The following BDKRB2 variants were observed in gnomAD, a reference collection of about 807,000 sequenced individuals.
The protein encoded by BDKRB2 is B2 bradykinin receptor.
In BDKRB2, 6 loss-of-function variants were observed where a neutral mutation model predicts 4.0. The ratio of observed to expected loss-of-function variants is 1.49; its 90% CI spans 0.81 to 2.93. BDKRB2 has a LOEUF of 2.93. Ranked by LOEUF, BDKRB2 falls within the 30% of genes most tolerant of loss-of-function variation. The pLI is 0.00. For synonymous variants in BDKRB2, 225 were observed against 215.3 expected, an observed-to-expected ratio of 1.05 and a Z score of -0.40; for missense variants, 478 against 520.1, an observed-to-expected ratio of 0.92 and a Z score of 0.79.
chr14:96,232,873 A>G lies in BDKRB2; in HGVS notation c.-39-4196A>G, dbSNP rs537564457. Among the ~76,000 whole-genome samples, 4 of 152,366 alleles carry G rather than the reference A, an allele frequency of 2.6e-5. No homozygotes were observed. In the East Asian group the frequency reaches 7.7e-4, roughly 29 times the overall value. Reference sequence around the variant, plus strand: ...ATACGGGACACAAGTTGACATCCGAAGGAAAAATATCTTTTCCTTCTCCAC... The same window carrying G: ...ATACGGGACACAAGTTGACATCCGAGGGAAAAATATCTTTTCCTTCTCCAC... On this transcript the variant is annotated intron_variant, in intron 1 of 2. Coordinates refer to ENST00000554311, the MANE Select transcript of BDKRB2 (RefSeq NM_001379692.1).
chr14:96,219,080 T>A (rs1362520876), intron 1 of BDKRB2, among the ~76,000 whole-genome samples: 1 of 151,894 alleles, frequency 6.6e-6, no homozygotes, highest in African/African-American at 2.4e-5. Flanking sequence ...AAGGCAGGGA[T>A]CACTTGAGCC....
At chr14:96,222,409 G>T (rs907518430) in intron 1 of BDKRB2, among the ~76,000 whole-genome samples, 2 of 151,970 alleles carry the variant, frequency 1.3e-5, no homozygotes, top group African/African-American at 4.8e-5. Flanking sequence ...TGGGGTGAAA[G>T]TTCCAAGCTT....
At chr14:96,220,197 G>A (rs1209124926) in intron 1 of BDKRB2, among the ~76,000 whole-genome samples, 3 of 151,100 alleles carry the variant, frequency 2.0e-5, no homozygotes, top group African/African-American at 7.3e-5. Flanking sequence ...CCAAGTACCA[G>A]GTCCCAGCCC....
chr14:96,234,302 C>A (rs932999751), intron 1 of BDKRB2, among the ~76,000 whole-genome samples: 3 of 152,156 alleles, frequency 2.0e-5, no homozygotes, highest in African/African-American at 4.8e-5. Flanking sequence ...TCCTTCCCCC[C>A]TCGCGATCAG....
chr14:96,222,817 A>G (rs1193757150), intron 1 of BDKRB2, among the ~76,000 whole-genome samples: 3 of 152,144 alleles, frequency 2.0e-5, no homozygotes, highest in Non-Finnish European at 4.4e-5. Context: ...ATTACATATT[A>G]AAATAATGTT....
intron 1 of BDKRB2, among the ~76,000 whole-genome samples, chr14:96,235,950 C>T (rs991775596): frequency 6.6e-6 from 1 of 152,056 alleles, no homozygotes; most frequent in African/African-American, 2.4e-5. Context: ...GGGGATTAAG[C>T]CCCACCTCTA....
intron 1 of BDKRB2, among the ~76,000 whole-genome samples, chr14:96,228,016 A>G (rs1480350376): frequency 1.3e-5 from 2 of 152,172 alleles, no homozygotes; most frequent in Non-Finnish European, 2.9e-5. Flanking sequence ...GGAGGGCTAT[A>G]AGCCACAGCA....
At chr14:96,237,944 T>C (rs779676807) in intron 2 of BDKRB2, 220 of 1,214,168 alleles carry the variant, frequency 1.8e-4, no homozygotes, top group Non-Finnish European at 2.1e-4. Flanking sequence ...TCATGAAAGA[T>C]GACAGACTCT....
chr14:96,223,117 A>C, intron 1 of BDKRB2: 2 of 1,274,068 alleles, frequency 1.6e-6, no homozygotes, highest in Non-Finnish European at 2.3e-6. Flanking sequence ...CATGTCACAC[A>C]AACAAATTCA....
intron 1 of BDKRB2, among the ~76,000 whole-genome samples, chr14:96,215,533 A>T (rs1254815315): frequency 6.6e-6 from 1 of 151,992 alleles, no homozygotes; most frequent in East Asian, 1.9e-4. Context: ...CCAAATATTA[A>T]ATGATCTAGA....
At chr14:96,233,587 T>C (rs1890868756) in intron 1 of BDKRB2, 1 of 152,164 alleles carries the variant, frequency 6.6e-6, no homozygotes, top group South Asian at 2.1e-4. Flanking sequence ...ATATTCAACA[T>C]GCGAAGCTGC....
chr14:96,224,860 C>T (rs1178219689), intron 1 of BDKRB2, among the ~76,000 whole-genome samples: 1 of 152,196 alleles, frequency 6.6e-6, no homozygotes, highest in African/African-American at 2.4e-5. Context: ...GCTCCACCTC[C>T]TGAGCGGAAT....
At chr14:96,230,265 A>G (rs1595259348) in intron 1 of BDKRB2, among the ~76,000 whole-genome samples, 1 of 152,290 alleles carries the variant, frequency 6.6e-6, no homozygotes, top group East Asian at 1.9e-4. Context: ...AATTCCCATG[A>G]CAGGAGGTTT....
chr14:96,238,842 C>T, intron 2 of BDKRB2: 1 of 986,880 alleles, frequency 1.0e-6, no homozygotes, highest in Non-Finnish European at 1.2e-6. Flanking sequence ...GGGCACCCTC[C>T]ACCCTCTGGG....
Position 96,216,694 on chromosome 14 carries a change from A to AAGGAGG in BDKRB2, c.-40+11740_-40+11745dup, listed in dbSNP as rs1235198062. On this transcript the variant is annotated intron_variant, in intron 1 of 2. Coordinates refer to ENST00000554311, the MANE Select transcript of BDKRB2 (RefSeq NM_001379692.1). ...AGGAAGAAGAAGGAGGAGGAGGAGGAAGGAGGAGGAAGGAGGAGGAAGAGG... is the reference window on the plus strand; with the variant it reads ...AGGAAGAAGAAGGAGGAGGAGGAGGAAGGAGGAGGAGGAGGAAGGAGGAGGAAGAGG... Among the ~76,000 whole-genome samples the AAGGAGG allele has an allele frequency of 2.6e-5, 3 of 113,838 alleles. No homozygotes were observed. The East Asian group carries it at 9.2e-4, about 35-fold the overall frequency. The allele number at this position is 113,838 out of a possible 152,430, so 74.7% of individuals were successfully genotyped here.
Position 96,204,974 on chromosome 14 carries a change from G to A in BDKRB2, c.-40+15G>A. 4.7e-6 allele frequency: 1 copy of A among 210,994 alleles called. No homozygotes were observed. Among genetic ancestry groups the A allele is most frequent in the South Asian group, 4.5e-5 (1 of 22,290 alleles). The allele number at this position is 210,994 out of a possible 1,614,324, so 13.1% of individuals were successfully genotyped here. A position where few individuals can be genotyped will look rare whatever the true frequency, so the allele number is the denominator to read the frequency against. On this transcript the variant is annotated intron_variant, in intron 1 of 2. Coordinates refer to ENST00000554311, the MANE Select transcript of BDKRB2 (RefSeq NM_001379692.1). ...CTCCGGAGAAGGTGGGTGCCGGGCAGGGGCTGCTCCAGCCGCCTCACCTCT... is the reference window on the plus strand; with the variant it reads ...CTCCGGAGAAGGTGGGTGCCGGGCAAGGGCTGCTCCAGCCGCCTCACCTCT...
intron 1 of BDKRB2, among the ~76,000 whole-genome samples, chr14:96,208,233 T>TTCC (rs1363836693): frequency 6.6e-6 from 1 of 152,210 alleles, no homozygotes; most frequent in Non-Finnish European, 1.5e-5. Context: ...AAGGCTCTGC[T>TTCC]TCCCCAAAAC....
In BDKRB2 at chr14:96,220,259, G is replaced by A. The variant is rs552220620; in HGVS notation, c.-40+15300G>A. 6.6e-5 allele frequency among the ~76,000 whole-genome samples: 10 copies of A among 151,972 alleles called. 1 individual carries two copies. Among genetic ancestry groups the A allele is most frequent in the Non-Finnish European group, 7.4e-5 (5 of 67,996 alleles). On this transcript the variant is annotated intron_variant, in intron 1 of 2. Transcript: ENST00000554311. ...TCCTGGGCAAGTCAGAGGAAATGCC[G>A]GGGGTATTTATTTTAAAAAGTGTCT...
Position 96,241,510 on chromosome 14 carries a change from C to G in BDKRB2, c.*6C>G, listed in dbSNP as rs201405339. 2.2e-5 allele frequency: 33 copies of G among 1,515,968 alleles called. No individual in the cohort carries two copies. Among genetic ancestry groups the G allele is most frequent in the Non-Finnish European group, 2.4e-5 (27 of 1,140,034 alleles). The allele number at this position is 1,515,968 out of a possible 1,614,324, so 93.9% of individuals were successfully genotyped here. ...GGGCAGGGAGCAGACAGTGAGCAAA[C>G]GCCAGCAGGGCTGCTGTGAATTTGT... is the stretch of plus-strand genomic sequence containing the variant. On this transcript the variant is annotated 3_prime_UTR_variant, in exon 3 of 3. Transcript: ENST00000554311.
Sources: gnomAD v4.1 joint callset for allele counts (sites outside exome capture counted in the v4.1 genomes callset) on GRCh38, gnomAD v4.1.1 for gene constraint, MANE v1.5 for transcripts, NCBI Gene and HGNC (gene_info 2026-07-23, HGNC 2026-07-21) for gene names.